The following SLCO1B1 variants were observed in gnomAD, a reference collection of about 807,000 sequenced individuals.
The protein encoded by SLCO1B1 is OATP-2.
SLCO1B1 carries 81 observed loss-of-function variants against 70.1 expected under a neutral mutation model. The ratio of observed to expected loss-of-function variants is 1.16; its 90% CI spans 0.97 to 1.39. The LOEUF (loss-of-function observed/expected upper bound fraction) is 1.39. Ranked by LOEUF, SLCO1B1 falls within the 40% of genes most tolerant of loss-of-function variation. SLCO1B1 has a pLI of 0.00. For synonymous variants in SLCO1B1, 283 were observed against 271.5 expected, an observed-to-expected ratio of 1.04 and a Z score of -0.42; for missense variants, 895 against 799.6, an observed-to-expected ratio of 1.12 and a Z score of -1.44.
At chr12:21,152,111 A>G (rs1940478311) in intron 2 of SLCO1B1, among the ~76,000 whole-genome samples, 1 of 151,764 alleles carries the variant, frequency 6.6e-6, no homozygotes, top group African/African-American at 2.4e-5. Flanking sequence ...AGTTTTGCAG[A>G]TTTTAATTCA....
At chr12:21,145,751 A>G (rs1468062660) in intron 2 of SLCO1B1, among the ~76,000 whole-genome samples, 1 of 152,080 alleles carries the variant, frequency 6.6e-6, no homozygotes, top group African/African-American at 2.4e-5. Flanking sequence ...AGTAGGCATA[A>G]AATGGTACTT....
chr12:21,172,119 AT>A (rs1023085187), intron 2 of SLCO1B1, among the ~76,000 whole-genome samples: 16 of 152,332 alleles, frequency 1.1e-4, no homozygotes, highest in African/African-American at 3.8e-4. Flanking sequence ...TAATCGATAC[AT>A]TTTATTAACA....
chr12:21,208,106 G>T (rs1414280279), intron 11 of SLCO1B1, among the ~76,000 whole-genome samples: 1 of 144,680 alleles, frequency 6.9e-6, no homozygotes, highest in Non-Finnish European at 1.5e-5. Context: ...TTTTCACTCT[G>T]TTGATTATTT....
intron 3 of SLCO1B1, among the ~76,000 whole-genome samples, chr12:21,174,023 C>T (rs141947394): frequency 6.6e-6 from 1 of 152,180 alleles, no homozygotes; most frequent in East Asian, 1.9e-4. Context: ...TCCTAAAGTG[C>T]TGGGATTACA....
intron 11 of SLCO1B1, among the ~76,000 whole-genome samples, chr12:21,206,516 T>C (rs12297423): frequency 0.012 from 1,754 of 152,020 alleles, 42 homozygotes; most frequent in South Asian, 0.039. Flanking sequence ...TTTTTACTTT[T>C]TAAGAAATTA....
chr12:21,184,038 AAAAG>A (rs1007997182), intron 7 of SLCO1B1, among the ~76,000 whole-genome samples: 1 of 149,806 alleles, frequency 6.7e-6, no homozygotes, highest in Admixed American at 6.7e-5. Context: ...CCATCAGACA[AAAAG>A]AAAGAAAGAA....
intron 2 of SLCO1B1, among the ~76,000 whole-genome samples, chr12:21,144,524 G>C (rs1196079538): frequency 1.3e-5 from 2 of 152,066 alleles, no homozygotes; most frequent in Non-Finnish European, 2.9e-5. Context: ...TCCCAGTCTT[G>C]CTAGAGAGGT....
At chr12:21,220,825 A>AG (rs375488414) in intron 12 of SLCO1B1, among the ~76,000 whole-genome samples, 15 of 144,414 alleles carry the variant, frequency 1.0e-4, no homozygotes, top group African/African-American at 3.8e-4. Flanking sequence ...TAAAAAAAAA[A>AG]AAAAAGAAAA....
intron 5 of SLCO1B1, among the ~76,000 whole-genome samples, 178 bp downstream of exon 5, chr12:21,177,075 G>T (rs1367141037): frequency 1.3e-5 from 2 of 152,056 alleles, no homozygotes; most frequent in African/African-American, 4.8e-5. Flanking sequence ...AACAACACAG[G>T]TTTAAACTAC....
At chr12:21,158,086 A>T (rs1036599390) in intron 2 of SLCO1B1, among the ~76,000 whole-genome samples, 9 of 152,202 alleles carry the variant, frequency 5.9e-5, no homozygotes, top group Admixed American at 2.0e-4. Context: ...AAAAAATTTT[A>T]AAAATGAAAT....
intron 7 of SLCO1B1, among the ~76,000 whole-genome samples, chr12:21,193,192 C>T (rs976761221): frequency 6.6e-6 from 1 of 152,074 alleles, no homozygotes; most frequent in Non-Finnish European, 1.5e-5. Context: ...GAAGTATTCT[C>T]TATGTGTCTG....
At chr12:21,142,677 A>C (rs1940328404) in intron 2 of SLCO1B1, among the ~76,000 whole-genome samples, 2 of 152,050 alleles carry the variant, frequency 1.3e-5, no homozygotes, top group Non-Finnish European at 2.9e-5. Flanking sequence ...ATTTAGGCCA[A>C]GTGGCAGTCA....
chr12:21,198,089 A>T (rs1941114877), intron 8 of SLCO1B1, among the ~76,000 whole-genome samples: 1 of 152,124 alleles, frequency 6.6e-6, no homozygotes, highest in Admixed American at 6.6e-5. Context: ...TAAGATGACA[A>T]ATTCTCCAGT....
chr12:21,163,786 G>C (rs1940652046), intron 2 of SLCO1B1, among the ~76,000 whole-genome samples: 2 of 152,120 alleles, frequency 1.3e-5, no homozygotes, highest in Non-Finnish European at 2.9e-5. Flanking sequence ...TTCACCTCCT[G>C]ATACCATCAC....
chr12:21,181,602 A>C (rs192760609), intron 7 of SLCO1B1, among the ~76,000 whole-genome samples: 3 of 152,154 alleles, frequency 2.0e-5, no homozygotes, highest in African/African-American at 7.2e-5. Flanking sequence ...TCGTGCCACA[A>C]ACTTCTGTGG....
intron 7 of SLCO1B1, among the ~76,000 whole-genome samples, chr12:21,182,988 G>C (rs1176751421): frequency 6.6e-6 from 1 of 152,230 alleles, no homozygotes; most frequent in African/African-American, 2.4e-5. Context: ...AGAAATGCAA[G>C]TGTGGCACCA....
At chr12:21,214,646 G>C (rs1941334309) in intron 11 of SLCO1B1, among the ~76,000 whole-genome samples, 1 of 151,166 alleles carries the variant, frequency 6.6e-6, no homozygotes, top group Non-Finnish European at 1.5e-5. Context: ...GCAATGGCGG[G>C]CGCCCCTCCC....
chr12:21,146,938 GTTAA>G (rs1228794431), intron 2 of SLCO1B1, among the ~76,000 whole-genome samples: 2 of 152,150 alleles, frequency 1.3e-5, no homozygotes, highest in African/African-American at 4.8e-5. Flanking sequence ...ATTATATCCA[GTTAA>G]TTGATGATGT....
rs75725253 is a variant in SLCO1B1 at position 21,155,060 on chromosome 12, T to C, written c.84+13402T>C. On this transcript the variant is annotated intron_variant, in intron 2 of 14. Transcript: ENST00000256958. ...CCAAATATGTCTGTGTTCTTACTTA[T>C]CTCTTGTGTTGAGCATTCAATGGGC... is the stretch of plus-strand genomic sequence containing the variant. 8.5e-3 allele frequency among the ~76,000 whole-genome samples: 1,286 copies of C among 151,916 alleles called. 15 individuals are homozygous for C. Among genetic ancestry groups the C allele is most frequent in the African/African-American group, 0.029 (1,213 of 41,492 alleles).
Sources: allele counts gnomAD v4.1 joint callset (sites outside exome capture counted in the v4.1 genomes callset), GRCh38; gene constraint gnomAD v4.1.1; transcripts MANE v1.5; gene names NCBI Gene and HGNC (gene_info 2026-07-23, HGNC 2026-07-21).